TMEM17: variants seen among roughly 807,000 people sequenced by gnomAD.
TMEM17 encodes transmembrane protein 17.
In TMEM17, 15 loss-of-function variants were observed where a neutral mutation model predicts 19.1. That is an observed-to-expected ratio of 0.78 (90% CI 0.52 to 1.21). TMEM17 has a LOEUF of 1.21. TMEM17 is among the 50% of genes most tolerant of loss of function. The pLI, the probability that TMEM17 is intolerant of heterozygous loss-of-function variation, is 0.00. For missense variants in TMEM17, 245 were observed against 242.3 expected (o/e 1.01, Z -0.07); for synonymous variants, 103 against 86.9 (o/e 1.19, Z -1.03).
chr2:62,468,312 A>G, the TMEM17 span, among the ~76,000 whole-genome samples: 947 of 152,174 alleles, frequency 6.2e-3, 5 homozygotes, highest in Admixed American at 0.011. Context: ...GGGGCAGGGT[A>G]TGCCAGCACA....
At chr2:62,488,094 G>A in the TMEM17 span, among the ~76,000 whole-genome samples, 1 of 152,182 alleles carries the variant, frequency 6.6e-6, no homozygotes, top group East Asian at 1.9e-4. Flanking sequence ...GCCTATCAAA[G>A]AGGAGGGATG....
rs1280936521 is a variant in TMEM17 at position 62,502,439 on chromosome 2, TCTC to T, written c.313_315del (p.Glu105del). ...AGAGAAAGGAAAAAAGAGCTTACCT[TCTC>T]CTGTAGGTTACCCACGTAGCCCAGA... On this transcript the variant is annotated inframe_deletion, in exon 3 of 4. Coordinates refer to ENST00000335390, the MANE Select transcript of TMEM17 (RefSeq NM_198276.3). 4 of 1,588,774 alleles carry T rather than the reference TCTC, an allele frequency of 2.5e-6. No individual in the cohort carries two copies. The highest frequency in any genetic ancestry group is 2.6e-6 in the Non-Finnish European group (3 of 1,158,310).
chr2:62,505,248 T>C (rs891616367), intron 1 of TMEM17, among the ~76,000 whole-genome samples: 1 of 152,174 alleles, frequency 6.6e-6, no homozygotes, highest in Non-Finnish European at 1.5e-5. Flanking sequence ...TTGTCTACCA[T>C]CATGATGTAG....
the TMEM17 span, among the ~76,000 whole-genome samples, chr2:62,466,395 G>A: frequency 1.3e-5 from 2 of 152,212 alleles, no homozygotes; most frequent in Admixed American, 1.3e-4. Flanking sequence ...GCGCAAAAGG[G>A]AGAAAATGGA....
At chr2:62,468,809 G>C in the TMEM17 span, among the ~76,000 whole-genome samples, 1 of 152,366 alleles carries the variant, frequency 6.6e-6, no homozygotes, top group East Asian at 1.9e-4. Context: ...CAGAGAACTG[G>C]GGGATGGCTC....
At chr2:62,481,293 C>T in the TMEM17 span, among the ~76,000 whole-genome samples, 3 of 152,142 alleles carry the variant, frequency 2.0e-5, no homozygotes, top group East Asian at 5.8e-4. Context: ...TTATTTTGTG[C>T]CCTGCAACTT....
chr2:62,504,951 C>T (rs909559311), intron 1 of TMEM17, among the ~76,000 whole-genome samples: 5 of 152,114 alleles, frequency 3.3e-5, no homozygotes, highest in Non-Finnish European at 7.4e-5. Flanking sequence ...TTTCAGAAAA[C>T]GTCTTTTTAC....
the TMEM17 span, among the ~76,000 whole-genome samples, chr2:62,459,641 T>C: frequency 0.47 from 71,502 of 152,202 alleles, 17,174 homozygotes; most frequent in East Asian, 0.59. Context: ...ATACTTAATT[T>C]TCATGTAGTC....
At chr2:62,459,064 A>G in the TMEM17 span, among the ~76,000 whole-genome samples, 268 of 152,344 alleles carry the variant, frequency 1.8e-3, no homozygotes, top group Non-Finnish European at 2.4e-3. Context: ...TTTTTGGGTC[A>G]TGTGGTTTCC....
chr2:62,460,639 A>G, the TMEM17 span, among the ~76,000 whole-genome samples: 1 of 152,244 alleles, frequency 6.6e-6, no homozygotes, highest in South Asian at 2.1e-4. Flanking sequence ...AGAGGCTATC[A>G]GATAAACTTA....
chr2:62,505,345 A>T (rs1209642961), intron 1 of TMEM17, among the ~76,000 whole-genome samples: 1 of 152,208 alleles, frequency 6.6e-6, no homozygotes, highest in African/African-American at 2.4e-5. Context: ...TTGTTACCTT[A>T]TGATAAGAGT....
At chr2:62,462,489 C>T in the TMEM17 span, among the ~76,000 whole-genome samples, 1 of 152,186 alleles carries the variant, frequency 6.6e-6, no homozygotes, top group Non-Finnish European at 1.5e-5. Flanking sequence ...CCACCCCTCC[C>T]CACTGGGCTA....
the TMEM17 span, among the ~76,000 whole-genome samples, chr2:62,466,739 C>T: frequency 6.6e-6 from 1 of 152,164 alleles, no homozygotes; most frequent in Non-Finnish European, 1.5e-5. Flanking sequence ...CTGACCCCGC[C>T]CATCATCTCC....
the TMEM17 span, among the ~76,000 whole-genome samples, chr2:62,468,104 G>A: frequency 6.6e-6 from 1 of 152,068 alleles, no homozygotes; most frequent in Admixed American, 6.5e-5. Context: ...GCAGGGGGCT[G>A]GAGTGATTCC....
the TMEM17 span, among the ~76,000 whole-genome samples, chr2:62,486,757 C>T: frequency 4.6e-5 from 7 of 152,124 alleles, no homozygotes; most frequent in African/African-American, 1.4e-4. Context: ...GTGTTCCCAT[C>T]GAATATATGG....
chr2:62,467,003 T>G, the TMEM17 span, among the ~76,000 whole-genome samples: 1 of 152,134 alleles, frequency 6.6e-6, no homozygotes, highest in Non-Finnish European at 1.5e-5. Context: ...TTATTTGAGA[T>G]GGAGTCTCGC....
chr2:62,472,685 A>G, the TMEM17 span, among the ~76,000 whole-genome samples: 1 of 152,202 alleles, frequency 6.6e-6, no homozygotes, highest in African/African-American at 2.4e-5. Flanking sequence ...GGTCTCATGG[A>G]CACTGGGCAA....
Position 62,500,417 on chromosome 2 carries a change from C to G in TMEM17, c.*792G>C, listed in dbSNP as rs1027026238. 4 of 152,008 alleles carry G rather than the reference C, an allele frequency of 2.6e-5. No homozygotes were observed. The East Asian group carries it at 7.7e-4, about 29-fold the overall frequency. 9.4% of individuals were successfully genotyped at this position (152,008 alleles called of 1,614,324 possible). On this transcript the variant is annotated 3_prime_UTR_variant, in exon 4 of 4. Coordinates refer to ENST00000335390, the MANE Select transcript of TMEM17 (RefSeq NM_198276.3). ...AGGGTTAGAATTTAACCCTAGCAGA[C>G]ATGAAAATTTGGTCTCTTGTTTTAT...
At position 62,502,763 on chromosome 2, in the gene TMEM17, C is replaced by T. The variant is rs1679965521; in HGVS notation, c.132G>A (p.Gln44=). ...ENEMVSSLAL[Q]MSLYFNTYYF... ...AGTAGGTATTAAAATAAAGTGACAT[C>T]TGCAGTGCCAAACTGGAGACCATTT... is the stretch of plus-strand genomic sequence containing the variant. Residue 44 remains glutamine (Q), a synonymous_variant, in exon 2 of 4, where the codon CAG becomes CAA. Coordinates refer to ENST00000335390, the MANE Select transcript of TMEM17 (RefSeq NM_198276.3). 6.2e-7 allele frequency: 1 copy of T among 1,608,012 alleles called. No individual in the cohort carries two copies. Among genetic ancestry groups the T allele is most frequent in the Non-Finnish European group, 8.5e-7 (1 of 1,178,262 alleles).
Sources: allele counts gnomAD v4.1 joint callset (sites outside exome capture counted in the v4.1 genomes callset), GRCh38; gene constraint gnomAD v4.1.1; transcripts MANE v1.5; gene names NCBI Gene and HGNC (gene_info 2026-07-23, HGNC 2026-07-21).